PPP2R1B: variants seen among roughly 807,000 people sequenced by gnomAD.
The protein encoded by PPP2R1B is serine/threonine-protein phosphatase 2A 65 kDa regulatory subunit A beta isoform.
PPP2R1B carries 58 observed loss-of-function variants against 72.7 expected under a neutral mutation model. The observed-to-expected ratio is 0.80, with a 90% CI of 0.65 to 0.99. PPP2R1B has a LOEUF of 0.99. Ranked by LOEUF, PPP2R1B falls within the 50% of genes least tolerant of loss-of-function variation. The pLI is 0.00. For missense variants in PPP2R1B, 695 were observed against 733.6 expected, an observed-to-expected ratio of 0.95 and a Z score of 0.61; for synonymous variants, 256 against 264.6, an observed-to-expected ratio of 0.97 and a Z score of 0.32.
downstream of PPP2R1B, chr11:111,724,448 C>G: frequency 2.9e-6 from 1 of 343,244 alleles, no homozygotes; most frequent in Non-Finnish European, 5.4e-6. Flanking sequence ...AGGTGTTATG[C>G]AGGATTACAT....
chr11:111,739,894 T>C lies in PPP2R1B; in HGVS notation c.*1702A>G, dbSNP rs544760800. ...CCAAAGTCATAAAATAGAAACTTAC[T>C]ATAAGGTAATTTGGCAGTTTAAAAT... On this transcript the variant is annotated 3_prime_UTR_variant, in exon 15 of 15. Coordinates refer to ENST00000527614, the MANE Select transcript of PPP2R1B (RefSeq NM_002716.5). 2.0e-4 allele frequency: 199 copies of C among 981,474 alleles called. No individual in the cohort carries two copies. The African/African-American group carries it at 3.1e-3, about 15-fold the overall frequency. The allele number at this position is 981,474 out of a possible 1,614,324, so 60.8% of individuals were successfully genotyped here.
At chr11:111,703,296 A>C in the PPP2R1B span, 1 of 1,614,218 alleles carries the variant, frequency 6.2e-7, no homozygotes, top group Non-Finnish European at 8.5e-7. Context: ...ATGCTCATAG[A>C]AGTTCCTGTC....
At chr11:111,752,625 TG>T (rs1204829646) in intron 9 of PPP2R1B, among the ~76,000 whole-genome samples, 1 of 152,212 alleles carries the variant, frequency 6.6e-6, no homozygotes, top group Non-Finnish European at 1.5e-5. Flanking sequence ...CTGTCATTGT[TG>T]AAAGACCTTG....
rs769030309 is a variant in PPP2R1B, at chr11:111,741,409, C to T, written c.*187G>A. The T allele has an allele frequency of 2.8e-4, 387 of 1,402,064 alleles. No homozygotes were observed. The highest frequency in any genetic ancestry group is 5.6e-4 in the South Asian group (33 of 59,098). 86.9% of individuals were successfully genotyped at this position (1,402,064 alleles called of 1,614,324 possible). ...TTAAATAATGATTTAACAAGGAAGA[C>T]GAGTAAAAAACAATCCCATTTCATC... is the stretch of plus-strand genomic sequence containing the variant. On this transcript the variant is annotated 3_prime_UTR_variant, in exon 15 of 15. Transcript: ENST00000527614.
the PPP2R1B span, chr11:111,705,078 A>T: frequency 6.2e-7 from 1 of 1,607,188 alleles, no homozygotes; most frequent in Non-Finnish European, 8.5e-7. The surrounding 1 kb of genome is among the most constrained non-coding windows in gnomAD (Gnocchi z 4.3). Context: ...TTCCCAGTGG[A>T]GCAGAGACTT....
chr11:111,747,462 TCTCC>T (rs1944742712), intron 11 of PPP2R1B, among the ~76,000 whole-genome samples: 1 of 152,182 alleles, frequency 6.6e-6, no homozygotes, highest in African/African-American at 2.4e-5. Flanking sequence ...AGGCCCTCTC[TCTCC>T]CTATGGCAAA....
At chr11:111,705,988 T>A in the PPP2R1B span, among the ~76,000 whole-genome samples, 2 of 152,120 alleles carry the variant, frequency 1.3e-5, no homozygotes, top group Non-Finnish European at 1.5e-5. This position sits in a 1 kb window ranked among gnomAD's most constrained non-coding sequence, Gnocchi z 4.3. Context: ...TGTATGAAGT[T>A]AGCAATGGTT....
chr11:111,715,178 G>A, the PPP2R1B span, among the ~76,000 whole-genome samples: 3 of 152,224 alleles, frequency 2.0e-5, no homozygotes, highest in Non-Finnish European at 4.4e-5. Context: ...CACTGGCAAT[G>A]CCATGCTGGC....
chr11:111,704,103 G>A, the PPP2R1B span, among the ~76,000 whole-genome samples: 1 of 152,176 alleles, frequency 6.6e-6, no homozygotes, highest in African/African-American at 2.4e-5. Context: ...CCAAGGCTCC[G>A]GGCTGTGCTG....
chr11:111,727,088 G>T (rs1943995080), intron 15 of PPP2R1B: 1 of 1,590,300 alleles, frequency 6.3e-7, no homozygotes, highest in Non-Finnish European at 8.6e-7. Context: ...TAGCCCGACA[G>T]GAAGAGGGGG....
the PPP2R1B span, chr11:111,705,036 T>C: frequency 6.2e-7 from 1 of 1,609,758 alleles, no homozygotes; most frequent in Non-Finnish European, 8.5e-7. The surrounding 1 kb of genome is among the most constrained non-coding windows in gnomAD (Gnocchi z 4.3). Flanking sequence ...TATTTCTTGT[T>C]GGTGGAGCGC....
chr11:111,722,503 C>T (rs1327546049), downstream of PPP2R1B, among the ~76,000 whole-genome samples: 2 of 152,214 alleles, frequency 1.3e-5, no homozygotes, highest in African/African-American at 4.8e-5. The surrounding 1 kb of genome is among the most constrained non-coding windows in gnomAD (Gnocchi z 4.4). Flanking sequence ...CCTGCGGGCC[C>T]GATGCTCTTT....
chr11:111,732,447 T>G (rs989300898), intron 15 of PPP2R1B, among the ~76,000 whole-genome samples: 1 of 152,106 alleles, frequency 6.6e-6, no homozygotes, highest in Non-Finnish European at 1.5e-5. Flanking sequence ...TCCCAACACC[T>G]TGGGAGGCAG....
At chr11:111,742,343 G>T in intron 13 of PPP2R1B, 180 bp downstream of exon 13, 1 of 786,844 alleles carries the variant, frequency 1.3e-6, no homozygotes, top group Non-Finnish European at 1.9e-6. Context: ...CATTTACAGA[G>T]CTTAAATATA....
At chr11:111,719,931 T>C in the PPP2R1B span, 6 of 1,614,086 alleles carry the variant, frequency 3.7e-6, no homozygotes, top group Non-Finnish European at 5.1e-6. Flanking sequence ...GGCATTTCAG[T>C]CCACACGCAG....
chr11:111,697,380 G>A, the PPP2R1B span, among the ~76,000 whole-genome samples: 40 of 152,166 alleles, frequency 2.6e-4, no homozygotes, highest in African/African-American at 9.4e-4. Flanking sequence ...AGTACAGAAT[G>A]TTGTCCCCCA....
intron 15 of PPP2R1B, chr11:111,729,874 G>A (rs1387067780): frequency 2.0e-5 from 3 of 152,288 alleles, no homozygotes; most frequent in Non-Finnish European, 2.9e-5. Flanking sequence ...GTTAACTGCA[G>A]AAGTTTAGGC....
chr11:111,705,230 C>T, the PPP2R1B span: 1 of 1,303,502 alleles, frequency 7.7e-7, no homozygotes, highest in Non-Finnish European at 1.0e-6. The surrounding 1 kb of genome is among the most constrained non-coding windows in gnomAD (Gnocchi z 4.3). Context: ...GTTAGGATTT[C>T]ATCCTCTACA....
chr11:111,721,146 G>A, the PPP2R1B span: 1 of 1,475,172 alleles, frequency 6.8e-7, no homozygotes, highest in South Asian at 1.4e-5. Flanking sequence ...TCACTTAGAG[G>A]ATTTCCTCCA....
Sources: allele counts gnomAD v4.1 joint callset (sites outside exome capture counted in the v4.1 genomes callset), GRCh38; gene constraint gnomAD v4.1.1; non-coding constraint Gnocchi (gnomAD v3.1); transcripts MANE v1.5; gene names NCBI Gene and HGNC (gene_info 2026-07-23, HGNC 2026-07-21).